PDE1A: variants seen among roughly 807,000 people sequenced by gnomAD.
The protein encoded by PDE1A is phosphodiesterase 1A, also known as dual specificity calcium/calmodulin-dependent 3',5'-cyclic nucleotide phosphodiesterase 1A.
A neutral mutation model predicts 61.7 loss-of-function variants in PDE1A; 35 were observed. The observed-to-expected ratio is 0.57, with a 90% CI of 0.43 to 0.75. PDE1A has a LOEUF of 0.75. PDE1A is among the 30% of genes least tolerant of loss of function. The pLI, the probability that PDE1A is intolerant of heterozygous loss-of-function variation, is 0.00. For missense variants in PDE1A, 597 were observed against 630.6 expected (o/e 0.95, Z 0.57); for synonymous variants, 232 against 213.2 (o/e 1.09, Z -0.77).
the PDE1A span, among the ~76,000 whole-genome samples, chr2:182,665,061 T>C: frequency 6.6e-6 from 1 of 152,190 alleles, no homozygotes; most frequent in Non-Finnish European, 1.5e-5. Flanking sequence ...AACTTTGTTT[T>C]CTCCAAACGG....
chr2:182,533,990 TC>T, the PDE1A span, among the ~76,000 whole-genome samples: 1 of 152,084 alleles, frequency 6.6e-6, no homozygotes, highest in East Asian at 1.9e-4. Flanking sequence ...TATATTTTTT[TC>T]TAAATATAAA....
intron 2 of PDE1A, among the ~76,000 whole-genome samples, chr2:182,461,537 T>C (rs1686286716): frequency 1.3e-5 from 2 of 152,256 alleles, no homozygotes; most frequent in Non-Finnish European, 2.9e-5. Context: ...TCATTATTAG[T>C]TGAGCCAGAA....
intron 13 of PDE1A, among the ~76,000 whole-genome samples, chr2:182,149,370 T>A (rs1260365024): frequency 6.6e-6 from 1 of 152,088 alleles, no homozygotes; most frequent in African/African-American, 2.4e-5. Context: ...TTATAAAAAA[T>A]AACAAATCCC....
In PDE1A at chr2:182,398,967, G is replaced by T. The variant is rs181612534; in HGVS notation, c.53+27611C>A. ...AACTACCAAATTCCCCTAAACTTCA[G>T]TTTGTTAACTATAAAGCAGGATTAA... is the stretch of plus-strand genomic sequence containing the variant. On this transcript the variant is annotated intron_variant, in intron 1 of 13. Coordinates refer to ENST00000351439, the Ensembl canonical transcript of PDE1A. Among the ~76,000 whole-genome samples the T allele has an allele frequency of 7.9e-3, 1,206 of 152,032 alleles. 7 individuals carry two copies. Among genetic ancestry groups the T allele is most frequent in the South Asian group, 0.018 (87 of 4,812 alleles).
intron 2 of PDE1A, among the ~76,000 whole-genome samples, chr2:182,453,418 T>C (rs948636201): frequency 2.6e-5 from 4 of 151,786 alleles, no homozygotes; most frequent in African/African-American, 7.3e-5. Flanking sequence ...TCCAAAAGAA[T>C]TGTGAACTTC....
rs542489793 is a variant in PDE1A at position 182,231,137 on chromosome 2, G to A, written c.418-6C>T. On this transcript the variant is annotated splice_polypyrimidine_tract_variant and splice_region_variant and intron_variant, in intron 4 of 13. Coordinates refer to ENST00000351439, the Ensembl canonical transcript of PDE1A. Reference sequence around the variant, plus strand: ...AAAGACCATTTATCAACATCCTGTAGAAAAAAGAATAAATACTTTAGGTGC... The same window carrying A: ...AAAGACCATTTATCAACATCCTGTAAAAAAAAGAATAAATACTTTAGGTGC... 5 of 1,436,160 alleles carry A rather than the reference G, an allele frequency of 3.5e-6. No homozygotes were observed. The East Asian group carries it at 1.1e-4, about 33-fold the overall frequency. The allele number at this position is 1,436,160 out of a possible 1,614,324, so 89.0% of individuals were successfully genotyped here.
the PDE1A span, among the ~76,000 whole-genome samples, chr2:182,583,195 T>A: frequency 2.0e-5 from 3 of 152,304 alleles, no homozygotes; most frequent in Middle Eastern, 3.4e-3. Flanking sequence ...CTGTTCTTTT[T>A]TCAATAGCTG....
chr2:182,187,810 T>A (rs994459288), intron 11 of PDE1A, among the ~76,000 whole-genome samples: 4 of 136,864 alleles, frequency 2.9e-5, no homozygotes, highest in Non-Finnish European at 6.2e-5. Flanking sequence ...AGTGGTGCAA[T>A]CTCGGCTCAC....
intron 1 of PDE1A, among the ~76,000 whole-genome samples, chr2:182,343,147 C>G (rs1423948503): frequency 1.0e-5 from 1 of 98,870 alleles, no homozygotes; most frequent in Non-Finnish European, 2.1e-5. Flanking sequence ...TCAGTTCATC[C>G]ACTTAGAGTG....
chr2:182,639,075 T>A, the PDE1A span, among the ~76,000 whole-genome samples: 2 of 152,148 alleles, frequency 1.3e-5, no homozygotes, highest in Non-Finnish European at 2.9e-5. Context: ...CAGGAAAACT[T>A]ACCAAAAGAG....
rs573899572 is a variant in PDE1A, at chr2:182,498,905, T to C, written c.101+23371A>G. Reference sequence around the variant, plus strand: ...TTCGCAGTGAGCGGAAATGCGCCACTGCACTCCAGCCTGGGCGACAGAGCG... The same window carrying C: ...TTCGCAGTGAGCGGAAATGCGCCACCGCACTCCAGCCTGGGCGACAGAGCG... On this transcript the variant is annotated intron_variant, in intron 2 of 14. Coordinates refer to the PDE1A transcript ENST00000410103. Among the ~76,000 whole-genome samples the C allele has an allele frequency of 6.6e-5, 10 of 151,634 alleles. 1 individual carries two copies. The South Asian group carries it at 1.9e-3, about 29-fold the overall frequency.
At chr2:182,707,139 T>C in the PDE1A span, among the ~76,000 whole-genome samples, 1 of 152,192 alleles carries the variant, frequency 6.6e-6, no homozygotes, top group South Asian at 2.1e-4. Flanking sequence ...CATCAGGAAT[T>C]ATGGGATGCC....
chr2:182,617,360 G>A, the PDE1A span, among the ~76,000 whole-genome samples: 447 of 152,294 alleles, frequency 2.9e-3, no homozygotes, highest in Middle Eastern at 0.01. Context: ...CACTGTTTGC[G>A]AGGCTCTACC....
chr2:182,176,772 A>C (rs1284689379), intron 13 of PDE1A, among the ~76,000 whole-genome samples: 4 of 149,188 alleles, frequency 2.7e-5, no homozygotes, highest in Non-Finnish European at 4.5e-5. Flanking sequence ...CCAGTTTTCA[A>C]AGGGAATGCT....
the PDE1A span, among the ~76,000 whole-genome samples, chr2:182,641,878 T>C: frequency 1.3e-5 from 2 of 152,336 alleles, no homozygotes; most frequent in African/African-American, 4.8e-5. Flanking sequence ...TAAGCAATCT[T>C]CAATTGTCGA....
chr2:182,209,085 A>G (rs1687358698), intron 7 of PDE1A, among the ~76,000 whole-genome samples: 1 of 152,090 alleles, frequency 6.6e-6, no homozygotes, highest in South Asian at 2.1e-4. Flanking sequence ...GAAGTGGAAT[A>G]ATGTATTATT....
chr2:182,418,293 G>A (rs927355669), intron 1 of PDE1A, among the ~76,000 whole-genome samples: 1 of 152,150 alleles, frequency 6.6e-6, no homozygotes, highest in Non-Finnish European at 1.5e-5. Flanking sequence ...AAAGAACTGG[G>A]AAAATGTGGG....
intron 1 of PDE1A, among the ~76,000 whole-genome samples, chr2:182,364,699 CT>C (rs1699738992): frequency 6.6e-6 from 1 of 151,436 alleles, no homozygotes; most frequent in South Asian, 2.1e-4. Flanking sequence ...TGATGGAGAA[CT>C]TTTAAGATTT....
chr2:182,288,653 G>A (rs1276081918), intron 1 of PDE1A, among the ~76,000 whole-genome samples: 2 of 151,938 alleles, frequency 1.3e-5, no homozygotes, highest in African/African-American at 2.4e-5. Context: ...TAGCTTGGGG[G>A]AAACTTGAAC....
Sources: allele counts gnomAD v4.1 joint callset (sites outside exome capture counted in the v4.1 genomes callset), GRCh38; gene constraint gnomAD v4.1.1; transcripts MANE v1.5; gene names NCBI Gene and HGNC (gene_info 2026-07-23, HGNC 2026-07-21).